The following LOC400499 variants were observed in gnomAD, a reference collection of about 807,000 sequenced individuals.
the LOC400499 span, chr16:11,417,741 G>T: frequency 2.8e-5 from 11 of 399,180 alleles, no homozygotes; most frequent in Admixed American, 2.2e-4. Context: ...GCCCATCATG[G>T]TAATAGCAGC....
the LOC400499 span, chr16:11,515,915 A>C: frequency 2.8e-6 from 1 of 353,784 alleles, no homozygotes; most frequent in Non-Finnish European, 4.7e-6. Context: ...AGCCCAGCCT[A>C]GCCCAGCACT....
chr16:11,396,579 G>T, the LOC400499 span: 1 of 1,232,236 alleles, frequency 8.1e-7, no homozygotes, highest in Non-Finnish European at 1.0e-6. Context: ...CTGAGATGCA[G>T]GCCGTGGTCT....
At chr16:11,385,864 A>C in the LOC400499 span, among the ~76,000 whole-genome samples, 1 of 152,198 alleles carries the variant, frequency 6.6e-6, no homozygotes, top group Admixed American at 6.5e-5. Flanking sequence ...GAAGCCACTG[A>C]ATCGTACACT....
At chr16:11,453,454 G>A in the LOC400499 span, among the ~76,000 whole-genome samples, 31 of 152,110 alleles carry the variant, frequency 2.0e-4, 1 homozygote, top group African/African-American at 7.2e-4. Flanking sequence ...GAAACTCCGA[G>A]GCAACAGATA....
the LOC400499 span, among the ~76,000 whole-genome samples, chr16:11,503,206 C>A: frequency 2.0e-5 from 3 of 151,860 alleles, no homozygotes; most frequent in African/African-American, 4.8e-5. Context: ...TGAGCCATCG[C>A]GCCCACCCTT....
At chr16:11,482,379 C>T in the LOC400499 span, among the ~76,000 whole-genome samples, 106 of 152,256 alleles carry the variant, frequency 7.0e-4, no homozygotes, top group Non-Finnish European at 1.3e-3. Flanking sequence ...AGAGCATGCT[C>T]GCAGGTCTGC....
At chr16:11,462,261 G>T in the LOC400499 span, 34 of 1,522,036 alleles carry the variant, frequency 2.2e-5, no homozygotes, top group Admixed American at 4.7e-4. Context: ...GCCTGGAACC[G>T]CTCAGCCTCG....
At chr16:11,478,667 C>A in the LOC400499 span, 308 of 399,220 alleles carry the variant, frequency 7.7e-4, no homozygotes, top group East Asian at 0.011. Context: ...GCCTGCCGGG[C>A]CCCACGCCTC....
At chr16:11,389,685 CAAAAAAAAA>C in the LOC400499 span, among the ~76,000 whole-genome samples, 5 of 59,060 alleles carry the variant, frequency 8.5e-5, no homozygotes, top group East Asian at 6.3e-4. Context: ...AACTCCATCT[CAAAAAAAAA>C]AAAAAAAAAA....
At chr16:11,447,933 C>A in the LOC400499 span, 2 of 1,534,940 alleles carry the variant, frequency 1.3e-6, no homozygotes, top group Non-Finnish European at 1.7e-6. Context: ...GGCGCACATA[C>A]CTAAGGAGCA....
At chr16:11,383,308 G>A in the LOC400499 span, among the ~76,000 whole-genome samples, 1 of 152,082 alleles carries the variant, frequency 6.6e-6, no homozygotes, top group Non-Finnish European at 1.5e-5. Flanking sequence ...ACCTCGTGAT[G>A]CACCCACCTC....
At chr16:11,475,137 T>TC in the LOC400499 span, among the ~76,000 whole-genome samples, 1 of 152,036 alleles carries the variant, frequency 6.6e-6, no homozygotes, top group East Asian at 1.9e-4. Flanking sequence ...GACCATACCC[T>TC]CCCTCTTTCC....
chr16:11,416,762 T>C, the LOC400499 span, among the ~76,000 whole-genome samples: 1 of 151,932 alleles, frequency 6.6e-6, no homozygotes, highest in Non-Finnish European at 1.5e-5. Flanking sequence ...GGCAGGCGTG[T>C]GGGAGAGACA....
the LOC400499 span, among the ~76,000 whole-genome samples, chr16:11,462,628 G>A: frequency 2.0e-5 from 3 of 152,172 alleles, no homozygotes; most frequent in East Asian, 3.9e-4. Flanking sequence ...TCACTATGTT[G>A]GCTAGGCTGG....
chr16:11,463,968 T>C, the LOC400499 span, among the ~76,000 whole-genome samples: 1 of 152,148 alleles, frequency 6.6e-6, no homozygotes, highest in Admixed American at 6.5e-5. Context: ...TGTGAAAAGA[T>C]ATGTATATAT....
At chr16:11,489,095 AC>A in the LOC400499 span, among the ~76,000 whole-genome samples, 765 of 152,332 alleles carry the variant, frequency 5.0e-3, 4 homozygotes, top group African/African-American at 0.018. Flanking sequence ...ATTCTGACAC[AC>A]TTCCCAGAAG....
At chr16:11,483,595 G>T in the LOC400499 span, among the ~76,000 whole-genome samples, 1 of 152,002 alleles carries the variant, frequency 6.6e-6, no homozygotes, top group Non-Finnish European at 1.5e-5. Flanking sequence ...GGCAAGCGCA[G>T]TGGCTCACAC....
At chr16:11,512,659 G>C in the LOC400499 span, among the ~76,000 whole-genome samples, 6 of 152,104 alleles carry the variant, frequency 3.9e-5, no homozygotes, top group African/African-American at 9.7e-5. Context: ...GTACAACTCT[G>C]AATATACTAA....
the LOC400499 span, chr16:11,491,904 T>A: frequency 2.5e-6 from 1 of 398,084 alleles, no homozygotes; most frequent in African/African-American, 2.1e-5. Flanking sequence ...CCCAGGAGTA[T>A]GATGTCCCTG....
Sources: allele counts gnomAD v4.1 joint callset (sites outside exome capture counted in the v4.1 genomes callset), GRCh38; gene constraint gnomAD v4.1.1; transcripts MANE v1.5.